The following PRKAR2A variants were observed in gnomAD, a reference collection of about 807,000 sequenced individuals.
PRKAR2A encodes the protein cAMP-dependent protein kinase type II-alpha regulatory subunit.
Under a neutral mutation model 51.9 loss-of-function variants are expected in PRKAR2A, and 29 were observed. That is an observed-to-expected ratio of 0.56 (90% confidence interval 0.42 to 0.76). The LOEUF is 0.76. Ranked by LOEUF, PRKAR2A falls within the 30% of genes least tolerant of loss-of-function variation. The pLI, the probability that PRKAR2A is intolerant of heterozygous loss-of-function variation, is 0.00. For synonymous variants in PRKAR2A, 178 were observed against 186.2 expected (o/e 0.96, Z 0.36); for missense variants, 445 against 512.1 (o/e 0.87, Z 1.26).
At chr3:48,820,668 A>G (rs2082946078) in intron 1 of PRKAR2A, among the ~76,000 whole-genome samples, 1 of 152,152 alleles carries the variant, frequency 6.6e-6, no homozygotes, top group South Asian at 2.1e-4. Context: ...TCATCTATAA[A>G]ACCAGGATAA....
intron 5 of PRKAR2A, among the ~76,000 whole-genome samples, chr3:48,780,225 G>A (rs974616835): frequency 6.6e-5 from 10 of 151,870 alleles, no homozygotes; most frequent in African/African-American, 1.7e-4. Flanking sequence ...AGAAGTATTA[G>A]CATAAAAGAT....
At chr3:48,829,543 A>AAAATATATATGTGTATATATACACACAT (rs2083131581) in intron 1 of PRKAR2A, among the ~76,000 whole-genome samples, 2 of 144,482 alleles carry the variant, frequency 1.4e-5, no homozygotes, top group Non-Finnish European at 1.5e-5. Flanking sequence ...AAATAAGAAA[A>AAAATATATATGTGTATATATACACACAT]AAATATATAT....
At chr3:48,784,578 G>T (rs2082256497) in intron 4 of PRKAR2A, among the ~76,000 whole-genome samples, 2 of 152,140 alleles carry the variant, frequency 1.3e-5, no homozygotes, top group African/African-American at 4.8e-5. Context: ...GCTGGAAGCC[G>T]CTTGTTCTGA....
In PRKAR2A at chr3:48,847,048, G is replaced by A. The variant is rs769361351; in HGVS notation, c.262+287C>T. Reference sequence around the variant, plus strand: ...AAACTGGTGAAGGGTCTTAAGCAAAGGCGAGGGATCCTCTAGCAGGGCCGA... The same window carrying A: ...AAACTGGTGAAGGGTCTTAAGCAAAAGCGAGGGATCCTCTAGCAGGGCCGA... On this transcript the variant is annotated intron_variant, in intron 1 of 10. Coordinates refer to ENST00000265563, the MANE Select transcript of PRKAR2A (RefSeq NM_004157.4). The surrounding 1 kb of genome is among the most constrained non-coding windows in gnomAD (Gnocchi z 4.4). Among the ~76,000 whole-genome samples the A allele has an allele frequency of 7.2e-5, 11 of 152,244 alleles. No individual in the cohort carries two copies. Among genetic ancestry groups the A allele is most frequent in the Non-Finnish European group, 1.2e-4 (8 of 68,044 alleles).
At chr3:48,795,007 C>T (rs1241242719) in intron 2 of PRKAR2A, among the ~76,000 whole-genome samples, 1 of 150,222 alleles carries the variant, frequency 6.7e-6, no homozygotes, top group South Asian at 2.1e-4. Flanking sequence ...GACGGAGTCT[C>T]GCTCTGTCAC....
intron 5 of PRKAR2A, among the ~76,000 whole-genome samples, chr3:48,779,964 A>C (rs2082167964): frequency 6.6e-6 from 1 of 151,668 alleles, no homozygotes; most frequent in South Asian, 2.1e-4. Flanking sequence ...GATCGAGACC[A>C]TCAGGGCCAA....
At chr3:48,836,403 A>T (rs1209599696) in intron 1 of PRKAR2A, among the ~76,000 whole-genome samples, 1 of 125,430 alleles carries the variant, frequency 8.0e-6, no homozygotes, top group Non-Finnish European at 1.6e-5. Context: ...CCTGGGCGAC[A>T]GTGCGAGACT....
rs543636273 is a variant in PRKAR2A at position 48,778,495 on chromosome 3, A to G, written c.542+4491T>C. The stretch of plus-strand genomic sequence containing the variant: ...CGCCACCATGCCTGGCAAATTTTTT[A>G]AAAAATGCTTTTTTGTGTGTTTTTG... On this transcript the variant is annotated intron_variant, in intron 5 of 10. Coordinates refer to ENST00000265563, the MANE Select transcript of PRKAR2A (RefSeq NM_004157.4). 5.6e-4 allele frequency among the ~76,000 whole-genome samples: 85 copies of G among 151,550 alleles called. 1 individual carries two copies. Among genetic ancestry groups the G allele is most frequent in the African/African-American group, 2.0e-3 (82 of 41,326 alleles).
intron 1 of PRKAR2A, among the ~76,000 whole-genome samples, chr3:48,828,990 C>T (rs2083119840): frequency 1.3e-5 from 2 of 151,772 alleles, no homozygotes; most frequent in Admixed American, 6.6e-5. Context: ...CATATCACCA[C>T]ACCCGGCTAA....
At chr3:48,844,827 G>A (rs1200961129) in intron 1 of PRKAR2A, among the ~76,000 whole-genome samples, 4 of 135,488 alleles carry the variant, frequency 3.0e-5, no homozygotes, top group Non-Finnish European at 4.7e-5. Context: ...TCACACTCTG[G>A]GGACTGTTGT....
intron 2 of PRKAR2A, among the ~76,000 whole-genome samples, chr3:48,802,735 TACAA>T (rs780694568): frequency 4.6e-5 from 7 of 151,938 alleles, no homozygotes; most frequent in Non-Finnish European, 1.0e-4. Flanking sequence ...AAACAACAAA[TACAA>T]ACAGCTACTT....
intron 1 of PRKAR2A, among the ~76,000 whole-genome samples, chr3:48,843,176 A>G (rs2083406851): frequency 6.6e-6 from 1 of 152,140 alleles, no homozygotes; most frequent in Non-Finnish European, 1.5e-5. Flanking sequence ...CATTTCTTCT[A>G]GATTTTCTAG....
At chr3:48,762,120 TA>T (rs2081872246) in intron 8 of PRKAR2A, among the ~76,000 whole-genome samples, 1 of 152,118 alleles carries the variant, frequency 6.6e-6, no homozygotes, top group Admixed American at 6.6e-5. Flanking sequence ...CTTCAAAAGA[TA>T]CCATTAAGAA....
At position 48,802,198 on chromosome 3, in the gene PRKAR2A, G is replaced by A. The variant is rs545290413; in HGVS notation, c.298+5451C>T. Reference sequence around the variant, plus strand: ...GTTGGGATTACAAGTGTGAGCCACCGCACCTGGCCAAATTTTTATTTTTAG... The same window carrying A: ...GTTGGGATTACAAGTGTGAGCCACCACACCTGGCCAAATTTTTATTTTTAG... On this transcript the variant is annotated intron_variant, in intron 2 of 10. Coordinates refer to ENST00000265563, the MANE Select transcript of PRKAR2A (RefSeq NM_004157.4). 2.4e-3 allele frequency among the ~76,000 whole-genome samples: 367 copies of A among 151,996 alleles called. 3 individuals carry two copies. Among genetic ancestry groups the A allele is most frequent in the African/African-American group, 8.4e-3 (349 of 41,458 alleles).
chr3:48,829,880 T>A lies in PRKAR2A; in HGVS notation c.262+17455A>T, dbSNP rs1252023562. 3.6e-3 allele frequency among the ~76,000 whole-genome samples: 462 copies of A among 129,164 alleles called. 2 individuals are homozygous for A. Among genetic ancestry groups the A allele is most frequent in the African/African-American group, 0.012 (421 of 36,050 alleles). 84.7% of individuals were successfully genotyped at this position (129,164 alleles called of 152,430 possible). ...ATATATATATATATATATTTTTTTT[T>A]TTTTTTTAAGCTTTTTTGTTAAAAA... On this transcript the variant is annotated intron_variant, in intron 1 of 10. Transcript: ENST00000265563.
At chr3:48,846,156 C>T (rs2083458135) in intron 1 of PRKAR2A, among the ~76,000 whole-genome samples, 1 of 151,898 alleles carries the variant, frequency 6.6e-6, no homozygotes, top group African/African-American at 2.4e-5. Context: ...TGCTGGGATC[C>T]TTTCCTTTAA....
chr3:48,760,801 C>T (rs2107218628), intron 8 of PRKAR2A, among the ~76,000 whole-genome samples: 1 of 147,782 alleles, frequency 6.8e-6, no homozygotes, highest in East Asian at 2.0e-4. Context: ...TGGCATTGCA[C>T]TCTGGCCTGG....
At chr3:48,822,044 C>G (rs576481605) in intron 1 of PRKAR2A, among the ~76,000 whole-genome samples, 1 of 151,768 alleles carries the variant, frequency 6.6e-6, no homozygotes, top group African/African-American at 2.4e-5. Context: ...GCCAACATGG[C>G]GAAACCCCAT....
At chr3:48,793,501 G>C (rs1332606450) in intron 3 of PRKAR2A, among the ~76,000 whole-genome samples, 1 of 152,062 alleles carries the variant, frequency 6.6e-6, no homozygotes, top group African/African-American at 2.4e-5. Flanking sequence ...TCAACTCCTG[G>C]GGTTCAACTG....
Sources: allele counts gnomAD v4.1 joint callset (sites outside exome capture counted in the v4.1 genomes callset), GRCh38; gene constraint gnomAD v4.1.1; non-coding constraint Gnocchi (gnomAD v3.1); transcripts MANE v1.5; gene names NCBI Gene and HGNC (gene_info 2026-07-23, HGNC 2026-07-21).